STXBP4: variants seen among roughly 807,000 people sequenced by gnomAD.
STXBP4 encodes syntaxin binding protein 4, also known as syntaxin-binding protein 4.
STXBP4 carries 55 observed loss-of-function variants against 76.1 expected under a neutral mutation model. That is an observed-to-expected ratio of 0.72 (90% confidence interval 0.58 to 0.91). The LOEUF (loss-of-function observed/expected upper bound fraction) is 0.91. STXBP4 is among the 40% of genes least tolerant of loss of function. The pLI is 0.00. For missense variants in STXBP4, 618 were observed against 636.9 expected (o/e 0.97, Z 0.32); for synonymous variants, 201 against 220.2 (o/e 0.91, Z 0.77).
intron 17 of STXBP4, among the ~76,000 whole-genome samples, chr17:55,142,476 A>G (rs2628316): frequency 0.34 from 51,474 of 152,002 alleles, 9,170 homozygotes; most frequent in African/African-American, 0.46. Flanking sequence ...CAGTTCCTAC[A>G]TCTCTGTTAA....
At chr17:55,038,322 T>C (rs1179254122) in intron 10 of STXBP4, among the ~76,000 whole-genome samples, 1 of 152,100 alleles carries the variant, frequency 6.6e-6, no homozygotes, top group Non-Finnish European at 1.5e-5. Context: ...CACCTTTACA[T>C]TGGAACCAGT....
At chr17:55,092,973 G>GTTTTTTGT (rs1474974728) in intron 16 of STXBP4, among the ~76,000 whole-genome samples, 2 of 75,112 alleles carry the variant, frequency 2.7e-5, no homozygotes, top group African/African-American at 1.1e-4. Flanking sequence ...CATTTTTTTT[G>GTTTTTTGT]TTTTTTGTTT....
intron 15 of STXBP4, 62 bp from the exon 16 acceptor site, chr17:55,080,988 T>G: frequency 7.6e-7 from 1 of 1,309,692 alleles, no homozygotes; most frequent in African/African-American, 1.5e-5. Flanking sequence ...AACTTCAGAT[T>G]TAGTAAAGAT....
intron 8 of STXBP4, among the ~76,000 whole-genome samples, chr17:55,009,349 G>T (rs1018922981): frequency 1.3e-5 from 2 of 152,138 alleles, no homozygotes; most frequent in Admixed American, 6.5e-5. Context: ...ATTATTCAAT[G>T]ATATTGATTT....
At chr17:55,212,774 T>A in the STXBP4 span, among the ~76,000 whole-genome samples, 1 of 152,222 alleles carries the variant, frequency 6.6e-6, no homozygotes, top group Non-Finnish European at 1.5e-5. Flanking sequence ...AGAATCATTT[T>A]TATGATGCTT....
At chr17:55,128,514 A>G (rs1162332481) in intron 16 of STXBP4, among the ~76,000 whole-genome samples, 4 of 152,240 alleles carry the variant, frequency 2.6e-5, no homozygotes, top group African/African-American at 4.8e-5. Context: ...TTGGCCTCCT[A>G]TAATCCCTTT....
At chr17:55,045,131 T>G (rs1266948527) in intron 11 of STXBP4, among the ~76,000 whole-genome samples, 2 of 152,150 alleles carry the variant, frequency 1.3e-5, no homozygotes, top group Admixed American at 6.6e-5. Context: ...ACTTAAAATT[T>G]TGCATATGTT....
rs10632680 is a variant in STXBP4 at position 55,125,479 on chromosome 17, C to CAAAAAAAAAAAAAA, written c.1490-15823_1490-15810dup. ...CCTATTGTAAACCCTGGACAAAATA[C>CAAAAAAAAAAAAAA]AAAAAAAAAAAAAAAAAAAAATACA... is the stretch of plus-strand genomic sequence containing the variant. On this transcript the variant is annotated intron_variant, in intron 16 of 17. Coordinates refer to ENST00000376352, the MANE Select transcript of STXBP4 (RefSeq NM_178509.6). 5.0e-3 allele frequency among the ~76,000 whole-genome samples: 461 copies of CAAAAAAAAAAAAAA among 91,616 alleles called. 3 individuals carry two copies. Among genetic ancestry groups the CAAAAAAAAAAAAAA allele is most frequent in the Middle Eastern group, 8.1e-3 (1 of 124 alleles). The allele number at this position is 91,616 out of a possible 152,430, so 60.1% of individuals were successfully genotyped here.
rs1048496233 is a variant in STXBP4 at position 55,169,290 on chromosome 17, G to A, written c.*9379G>A. ...ACGGGAGAGCCCTAGAGACAAAAAG[G>A]TTCTACAGTAGGTTCAAGTCAGAGG... On this transcript the variant is annotated 3_prime_UTR_variant, in exon 18 of 18. Coordinates refer to ENST00000376352, the MANE Select transcript of STXBP4 (RefSeq NM_178509.6). The A allele has an allele frequency of 6.8e-6, 1 of 146,526 alleles. No homozygotes were observed. Among genetic ancestry groups the A allele is most frequent in the Non-Finnish European group, 1.5e-5 (1 of 67,396 alleles). 9.1% of individuals were successfully genotyped at this position (146,526 alleles called of 1,614,324 possible). A position where few individuals can be genotyped will look rare whatever the true frequency, so the allele number is the denominator to read the frequency against.
At chr17:55,083,744 G>A (rs1236611255) in intron 16 of STXBP4, among the ~76,000 whole-genome samples, 1 of 152,134 alleles carries the variant, frequency 6.6e-6, no homozygotes, top group Admixed American at 6.6e-5. Flanking sequence ...GTGACCTCAA[G>A]GTAGTTGAAT....
chr17:54,988,028 A>G (rs1157307171), intron 3 of STXBP4, among the ~76,000 whole-genome samples: 1 of 152,210 alleles, frequency 6.6e-6, no homozygotes, highest in African/African-American at 2.4e-5. Flanking sequence ...GAGTTTTAAA[A>G]TAAGGTCCTA....
chr17:55,201,648 A>G, the STXBP4 span, among the ~76,000 whole-genome samples: 1 of 152,228 alleles, frequency 6.6e-6, no homozygotes, highest in Non-Finnish European at 1.5e-5. Context: ...AAGAAGTCCA[A>G]TCAAGACGTT....
At chr17:55,013,832 A>T (rs1220837083) in intron 8 of STXBP4, among the ~76,000 whole-genome samples, 1 of 152,186 alleles carries the variant, frequency 6.6e-6, no homozygotes, top group Non-Finnish European at 1.5e-5. Context: ...AGGTGAGTTG[A>T]GACATTGGGT....
intron 12 of STXBP4, among the ~76,000 whole-genome samples, chr17:55,060,651 GA>G (rs1449533760): frequency 1.3e-5 from 2 of 152,132 alleles, no homozygotes; most frequent in African/African-American, 2.4e-5. Context: ...GTTTTGAAAA[GA>G]ATTGGCTGTA....
chr17:55,108,676 C>G (rs1416802458), intron 16 of STXBP4, among the ~76,000 whole-genome samples: 1 of 152,172 alleles, frequency 6.6e-6, no homozygotes, highest in East Asian at 1.9e-4. Context: ...TCCCTGACCC[C>G]TTGCACTTCC....
intron 13 of STXBP4, 126 bp from the exon 14 acceptor site, chr17:55,077,952 A>AT (rs2079205239): frequency 1.6e-6 from 1 of 616,332 alleles, no homozygotes; most frequent in Admixed American, 2.9e-5. Flanking sequence ...AAATCAAAAC[A>AT]TATGTACAGT....
intron 16 of STXBP4, among the ~76,000 whole-genome samples, chr17:55,107,141 T>C (rs577108528): frequency 6.6e-6 from 1 of 152,326 alleles, no homozygotes; most frequent in South Asian, 2.1e-4. Flanking sequence ...TTCCTTTTCA[T>C]TCTTTCTTCT....
chr17:55,034,334 G>C (rs560023888), intron 10 of STXBP4, 75 bp downstream of exon 10: 6 of 918,524 alleles, frequency 6.5e-6, no homozygotes, highest in Non-Finnish European at 9.4e-6. Context: ...ATATGTGTAG[G>C]CTTTTTTCAC....
intron 16 of STXBP4, among the ~76,000 whole-genome samples, chr17:55,108,699 C>T (rs1272503676): frequency 1.3e-5 from 2 of 152,114 alleles, no homozygotes; most frequent in Non-Finnish European, 2.9e-5. Flanking sequence ...GGTAAGGCGA[C>T]CACCCACCCT....
Sources: gnomAD v4.1 joint callset for allele counts (sites outside exome capture counted in the v4.1 genomes callset) on GRCh38, gnomAD v4.1.1 for gene constraint, MANE v1.5 for transcripts, NCBI Gene and HGNC (gene_info 2026-07-23, HGNC 2026-07-21) for gene names.